Variants in WFDC5 observed in about 807,000 individuals in gnomAD.
WFDC5 encodes WAP four-disulfide core domain 5.
A neutral mutation model predicts 15.7 loss-of-function variants in WFDC5; 15 were observed. The observed-to-expected ratio is 0.96, with a 90% CI of 0.64 to 1.47. The LOEUF is 1.47. Ranked by LOEUF, WFDC5 falls within the 40% of genes most tolerant of loss-of-function variation. The pLI is 0.00. For missense variants in WFDC5, 280 were observed against 258.0 expected (o/e 1.09, Z -0.59); for synonymous variants, 109 against 107.7 (o/e 1.01, Z -0.07).
At chr20:45,109,872 G>A (rs1431953728) in exon 4 of WFDC5, 3 of 1,245,672 alleles carry the variant, frequency 2.4e-6, no homozygotes, top group Non-Finnish European at 3.5e-6. Flanking sequence ...GTGTCAGCAG[G>A]CCAGTGATTA....
rs143264470 is a variant in WFDC5 at position 45,112,305 on chromosome 20, C to T, written c.86-1530G>A. 6.8e-3 allele frequency among the ~76,000 whole-genome samples: 1,035 copies of T among 152,222 alleles called. 6 individuals carry two copies. The highest frequency in any genetic ancestry group is 0.01 in the Non-Finnish European group (714 of 68,016). ...TGCGTGCACTCAAAGCCGGTGGAGC[C>T]GGGTGGGTCAGGCAGGGAGAGCTTC... On this transcript the variant is annotated intron_variant, in intron 1 of 3. Transcript: ENST00000307971.
upstream of WFDC5, among the ~76,000 whole-genome samples, chr20:45,115,878 G>A (rs1981748173): frequency 6.6e-6 from 1 of 152,154 alleles, no homozygotes; most frequent in African/African-American, 2.4e-5. Context: ...CTCTGATGTT[G>A]CCTCCTGCAT....
chr20:45,114,009 CTT>C (rs749616779), intron 1 of WFDC5, among the ~76,000 whole-genome samples: 1 of 152,192 alleles, frequency 6.6e-6, no homozygotes, highest in Non-Finnish European at 1.5e-5. Context: ...CAGAGTCAGT[CTT>C]TGACCTTGTT....
chr20:45,113,722 G>A (rs764198994), intron 1 of WFDC5, among the ~76,000 whole-genome samples: 2 of 152,220 alleles, frequency 1.3e-5, no homozygotes, highest in Non-Finnish European at 2.9e-5. Context: ...GTCATTCTTT[G>A]TTCTCTCAGC....
At chr20:45,115,112 C>T (rs757644975) in exon 1 of WFDC5, 4 of 1,603,046 alleles carry the variant, frequency 2.5e-6, no homozygotes, top group East Asian at 2.2e-5. Flanking sequence ...GGGCCCAGGG[C>T]CCCCCAGATT....
upstream of WFDC5, among the ~76,000 whole-genome samples, chr20:45,116,032 C>T (rs537658920): frequency 2.0e-5 from 3 of 152,286 alleles, no homozygotes; most frequent in Admixed American, 1.3e-4. Context: ...CCCAAGGACA[C>T]GCAGCTAATT....
chr20:45,113,016 A>T (rs747636776), intron 1 of WFDC5, among the ~76,000 whole-genome samples: 6 of 152,360 alleles, frequency 3.9e-5, no homozygotes, highest in African/African-American at 1.4e-4. Flanking sequence ...AATATATAGC[A>T]TATGTATGTG....
intron 3 of WFDC5, 103 bp from the exon 4 acceptor site, chr20:45,110,116 C>T: frequency 6.7e-7 from 1 of 1,497,560 alleles, no homozygotes; most frequent in Non-Finnish European, 9.0e-7. Flanking sequence ...CTGGTTGCCA[C>T]CAAGGCAGGA....
At chr20:45,114,076 T>C (rs1228308757) in intron 1 of WFDC5, among the ~76,000 whole-genome samples, 1 of 152,194 alleles carries the variant, frequency 6.6e-6, no homozygotes, top group Non-Finnish European at 1.5e-5. Context: ...GGGATGAAAA[T>C]AGTCCTGTCC....
At chr20:45,110,715 C>T (rs1341777935) in exon 2 of WFDC5, 4 of 1,614,060 alleles carry the variant, frequency 2.5e-6, no homozygotes, top group Non-Finnish European at 3.4e-6. Context: ...GTCTTCCACG[C>T]ACTGGTCAGG....
chr20:45,112,939 C>T (rs1231959387), intron 1 of WFDC5, among the ~76,000 whole-genome samples: 3 of 152,070 alleles, frequency 2.0e-5, no homozygotes, highest in Non-Finnish European at 2.9e-5. Context: ...TTACACATGC[C>T]TACCCACATA....
intron 1 of WFDC5, 127 bp downstream of exon 1, chr20:45,114,872 C>T (rs1981714546): frequency 5.4e-6 from 5 of 919,502 alleles, no homozygotes; most frequent in Non-Finnish European, 8.2e-6. Context: ...TACACACACG[C>T]ACGCACGCAC....
chr20:45,109,490 T>C (rs758477756), exon 4 of WFDC5: 88 of 503,882 alleles, frequency 1.7e-4, no homozygotes, highest in Non-Finnish European at 1.8e-4. Context: ...TTTATTTATA[T>C]ACAAAAGTGA....
exon 1 of WFDC5, chr20:45,115,128 C>T (rs73910118): frequency 0.021 from 33,635 of 1,581,596 alleles, 614 homozygotes; most frequent in African/African-American, 0.069. Context: ...AGATTAACAC[C>T]TGCAGCCTCA....
At position 45,110,898 on chromosome 20, in the gene WFDC5, G is replaced by C. The variant is rs1031038466; in HGVS notation, c.86-123C>G. ...CTTTTTGCCTGTCTTTTGGCTAGTT[G>C]TTATTTTTGTTTGTTTGTTTGTTTA... is the stretch of plus-strand genomic sequence containing the variant. On this transcript the variant is annotated intron_variant, in intron 1 of 3. Transcript: ENST00000307971. 8 of 1,333,768 alleles carry C rather than the reference G, an allele frequency of 6.0e-6. No individual in the cohort carries two copies. In the African/African-American group the frequency reaches 1.2e-4, roughly 19 times the overall value. 82.6% of individuals were successfully genotyped at this position (1,333,768 alleles called of 1,614,324 possible).
At chr20:45,113,115 C>T (rs1018974214) in intron 1 of WFDC5, among the ~76,000 whole-genome samples, 5 of 152,216 alleles carry the variant, frequency 3.3e-5, no homozygotes, top group Non-Finnish European at 5.9e-5. Context: ...CCCAATACCA[C>T]ATAACCACTG....
chr20:45,112,324 G>T (rs1482081278), intron 1 of WFDC5, among the ~76,000 whole-genome samples: 2 of 152,238 alleles, frequency 1.3e-5, no homozygotes, highest in African/African-American at 4.8e-5. Flanking sequence ...CAGGCAGGGA[G>T]AGCTTCTGTG....
rs1041049040 is a variant in WFDC5, at chr20:45,110,238, A to G, written c.393+136T>C. 3.8e-6 allele frequency: 5 copies of G among 1,324,054 alleles called. No individual in the cohort carries two copies. In the South Asian group the frequency reaches 4.4e-5, roughly 12 times the overall value. 82.0% of individuals were successfully genotyped at this position (1,324,054 alleles called of 1,614,324 possible). ...ACCAAGGACTCCCGGGTCCTCTGTCATCCTAGCAGGACTCCTCCAACCCCT... is the reference window on the plus strand; with the variant it reads ...ACCAAGGACTCCCGGGTCCTCTGTCGTCCTAGCAGGACTCCTCCAACCCCT... On this transcript the variant is annotated intron_variant, in intron 3 of 3. Transcript: ENST00000307971.
At chr20:45,110,011 A>G in exon 4 of WFDC5, 2 of 1,612,114 alleles carry the variant, frequency 1.2e-6, no homozygotes, top group African/African-American at 1.3e-5. Context: ...AATCAGAATT[A>G]GCCTGAGGAG....
Sources: allele counts gnomAD v4.1 joint callset (sites outside exome capture counted in the v4.1 genomes callset), GRCh38; gene constraint gnomAD v4.1.1; transcripts MANE v1.5; gene names NCBI Gene and HGNC (gene_info 2026-07-23, HGNC 2026-07-21).